Variants in DMD observed in about 807,000 individuals in gnomAD.
DMD encodes the protein mutant dystrophin.
Under a neutral mutation model 330.1 loss-of-function variants are expected in DMD, and 63 were observed. The ratio of observed to expected loss-of-function variants is 0.19; its 90% CI spans 0.16 to 0.24. DMD has a LOEUF of 0.24. Ranked by LOEUF, DMD falls within the 10% of genes least tolerant of loss-of-function variation. The pLI, the probability that DMD is intolerant of heterozygous loss-of-function variation, is 1.00. For missense variants in DMD, 3,344 were observed against 2,684.1 expected, an observed-to-expected ratio of 1.25 and a Z score of -5.43; for synonymous variants, 1,223 against 959.8, an observed-to-expected ratio of 1.27 and a Z score of -5.07.
intron 7 of DMD, 25 bp downstream of exon 7, chrX:32,809,468 A>T (rs1193736678): frequency 9.0e-7 from 1 of 1,110,349 alleles, no homozygotes; most frequent in African/African-American, 1.8e-5. Context: ...TACTAAAAGC[A>T]GTGGTAGTCC....
intron 21 of DMD, among the ~76,000 whole-genome samples, chrX:32,475,729 T>G (rs892273433): frequency 9.0e-6 from 1 of 111,346 alleles, no homozygotes; most frequent in African/African-American, 3.3e-5. Context: ...ATTAATCTTG[T>G]ATCTGGAAAT....
intron 18 of DMD, among the ~76,000 whole-genome samples, chrX:32,505,196 G>T (rs1279244156): frequency 8.9e-6 from 1 of 111,844 alleles, no homozygotes; most frequent in Admixed American, 9.5e-5. Context: ...AAAAGGTTCT[G>T]CTCTGTGAAA....
chrX:32,791,478 C>G (rs1203343188), intron 7 of DMD, among the ~76,000 whole-genome samples: 1 of 111,907 alleles, frequency 8.9e-6, no homozygotes, highest in Admixed American at 9.5e-5. Context: ...ACCGGCAAAA[C>G]TTCACCACAG....
chrX:32,883,693 G>C (rs962673981), intron 2 of DMD, among the ~76,000 whole-genome samples: 1 of 106,931 alleles, frequency 9.4e-6, no homozygotes, highest in South Asian at 4.3e-4. Context: ...GCATGGTGGC[G>C]GGCACCTGTA....
In DMD at chrX:32,511,674, A is replaced by G. The variant is rs1050260781; in HGVS notation, c.2292+6334T>C. ...TAAAAATACCTCTGCCCTTGACAAT[A>G]TTATCTTTCTCTTAAATTTCGTCCT... On this transcript the variant is annotated intron_variant, in intron 18 of 78. Coordinates refer to ENST00000357033, the MANE Select transcript of DMD (RefSeq NM_004006.3). Among the ~76,000 whole-genome samples the G allele has an allele frequency of 2.7e-5, 3 of 110,321 alleles. No homozygotes were observed. The Admixed American group carries it at 2.9e-4, about 11-fold the overall frequency.
chrX:33,249,226 T>C (rs1006342798), intron 1 of DMD, among the ~76,000 whole-genome samples: 3 of 112,193 alleles, frequency 2.7e-5, no homozygotes, highest in Non-Finnish European at 5.6e-5. Context: ...TCTCGGCTCA[T>C]TGCGACCTCC....
chrX:31,195,893 T>A lies in DMD; in HGVS notation c.9807+8068A>T, dbSNP rs2042836659. Among the ~76,000 whole-genome samples, 4 of 110,897 alleles carry A rather than the reference T, an allele frequency of 3.6e-5. No homozygotes were observed. In the South Asian group the frequency reaches 1.5e-3, roughly 43 times the overall value. On this transcript the variant is annotated intron_variant, in intron 67 of 78. Coordinates refer to ENST00000357033, the MANE Select transcript of DMD (RefSeq NM_004006.3). ...AAGGAAGGAAGAAAGAAAGATTTGG[T>A]CATAACAATGAAGTGCTACTTTAGA...
rs73617053 is a variant in DMD at position 31,185,674 on chromosome X, C to T, written c.9808-2770G>A. 8.7e-3 allele frequency among the ~76,000 whole-genome samples: 973 copies of T among 111,234 alleles called. 15 individuals are homozygous for T. Among genetic ancestry groups the T allele is most frequent in the African/African-American group, 0.03 (931 of 30,696 alleles). Reference sequence around the variant, plus strand: ...TAATAATTCTGGAATATGATGTTATCGTAGGTCTGCTTCTATGGTTTGCTA... The same window carrying T: ...TAATAATTCTGGAATATGATGTTATTGTAGGTCTGCTTCTATGGTTTGCTA... On this transcript the variant is annotated intron_variant, in intron 67 of 78. Transcript: ENST00000357033.
At chrX:31,730,601 A>G (rs2086430791) in intron 51 of DMD, among the ~76,000 whole-genome samples, 1 of 111,014 alleles carries the variant, frequency 9.0e-6, no homozygotes, top group African/African-American at 3.3e-5. Flanking sequence ...AGATTTAAGG[A>G]CCACAATCTC....
chrX:32,424,428 A>G (rs763107984), intron 29 of DMD, among the ~76,000 whole-genome samples: 1 of 111,583 alleles, frequency 9.0e-6, no homozygotes, highest in African/African-American at 3.2e-5. Flanking sequence ...ATTATCCTCA[A>G]TGAAATATTT....
chrX:32,781,066 C>T (rs181823179), intron 7 of DMD, among the ~76,000 whole-genome samples: 3 of 106,020 alleles, frequency 2.8e-5, no homozygotes, highest in Admixed American at 1.0e-4. Flanking sequence ...TGCAGTGAGC[C>T]GAGATCGCGC....
At chrX:31,382,638 T>C (rs956583618) in intron 60 of DMD, among the ~76,000 whole-genome samples, 1 of 111,597 alleles carries the variant, frequency 9.0e-6, no homozygotes, top group Non-Finnish European at 1.9e-5. Context: ...CTTATTCCGT[T>C]TAGTTTTTCA....
At chrX:31,357,358 C>T (rs1434250310) in intron 60 of DMD, among the ~76,000 whole-genome samples, 1 of 106,007 alleles carries the variant, frequency 9.4e-6, no homozygotes, top group African/African-American at 3.5e-5. Flanking sequence ...CAGTGAGATA[C>T]CATAGAACTG....
chrX:31,259,388 A>ACTT (rs1243794323), intron 63 of DMD, among the ~76,000 whole-genome samples: 3 of 111,701 alleles, frequency 2.7e-5, no homozygotes, highest in African/African-American at 9.8e-5. Flanking sequence ...GCTGCTGCCC[A>ACTT]CTTCAGATGA....
chrX:32,388,341 C>CTT lies in DMD; in HGVS notation c.4518+1158_4518+1159dup, dbSNP rs3044988. Among the ~76,000 whole-genome samples, 87 of 78,540 alleles carry CTT rather than the reference C, an allele frequency of 1.1e-3. 4 individuals carry two copies. The highest frequency in any genetic ancestry group is 4.4e-3 in the African/African-American group (78 of 17,547). The allele number at this position is 78,540 out of a possible 115,157, so 68.2% of individuals were successfully genotyped here. On this transcript the variant is annotated intron_variant, in intron 32 of 78. Transcript: ENST00000357033. ...AGGCACTTGGGTCATTTATGCTTTC[C>CTT]TTTTTTTTTTTTTTGGCAAAATTTA... is the stretch of plus-strand genomic sequence containing the variant.
chrX:32,745,480 G>T (rs2069864534), intron 7 of DMD, among the ~76,000 whole-genome samples: 1 of 112,060 alleles, frequency 8.9e-6, no homozygotes, highest in Non-Finnish European at 1.9e-5. Context: ...TTGTAGGAAT[G>T]ATGGTTTCAC....
At chrX:32,501,400 G>C (rs2044040575) in intron 19 of DMD, among the ~76,000 whole-genome samples, 1 of 111,643 alleles carries the variant, frequency 9.0e-6, no homozygotes, top group Admixed American at 9.6e-5. Context: ...TTTAAAATCA[G>C]ATGATGATCA....
chrX:32,563,704 T>G (rs2051339529), intron 16 of DMD, among the ~76,000 whole-genome samples: 1 of 111,858 alleles, frequency 8.9e-6, no homozygotes, highest in Admixed American at 9.5e-5. Context: ...CAGTAATATT[T>G]CGATGACATG....
chrX:31,448,538 T>A (rs2065455148), intron 59 of DMD, among the ~76,000 whole-genome samples: 1 of 112,376 alleles, frequency 8.9e-6, no homozygotes, highest in African/African-American at 3.2e-5. Context: ...GCTTTTAATA[T>A]GACACACATA....
Sources: allele counts gnomAD v4.1 joint callset (sites outside exome capture counted in the v4.1 genomes callset), GRCh38; gene constraint gnomAD v4.1.1; transcripts MANE v1.5; gene names NCBI Gene and HGNC (gene_info 2026-07-23, HGNC 2026-07-21).